FARP2: variants seen among roughly 807,000 people sequenced by gnomAD.
FARP2 encodes FERM, ARHGEF and pleckstrin domain-containing protein 2.
FARP2 carries 111 observed loss-of-function variants against 130.5 expected under a neutral mutation model. The observed-to-expected ratio is 0.85, with a 90% CI of 0.73 to 1.00. The LOEUF (loss-of-function observed/expected upper bound fraction) is 1.00. Ranked by LOEUF, FARP2 falls within the 50% of genes least tolerant of loss-of-function variation. The probability of loss-of-function intolerance (pLI) is 0.00; values close to 1 mark genes in which losing one functional copy is unlikely to be tolerated. For missense variants in FARP2, 1,385 were observed against 1,346.3 expected (o/e 1.03, Z -0.45); for synonymous variants, 504 against 516.9 (o/e 0.98, Z 0.34).
At chr2:241,393,359 T>C (rs1488525921) in intron 2 of FARP2, among the ~76,000 whole-genome samples, 1 of 152,066 alleles carries the variant, frequency 6.6e-6, no homozygotes, top group Non-Finnish European at 1.5e-5. Flanking sequence ...AGAAGTTTGG[T>C]GTACAGTATT....
chr2:241,404,719 C>A, intron 3 of FARP2, 80 bp from the exon 4 acceptor site: 2 of 1,073,746 alleles, frequency 1.9e-6, no homozygotes, highest in Non-Finnish European at 2.8e-6. Flanking sequence ...CTTATTATAA[C>A]CATTTTTGTT....
intron 14 of FARP2, among the ~76,000 whole-genome samples, chr2:241,457,250 CT>C (rs2063872347): frequency 1.3e-5 from 2 of 152,188 alleles, no homozygotes; most frequent in Admixed American, 6.5e-5. Flanking sequence ...TCCTTCCTTC[CT>C]TCCCACCTTC....
intron 1 of FARP2, among the ~76,000 whole-genome samples, chr2:241,371,313 T>G (rs1418800281): frequency 6.6e-6 from 1 of 152,178 alleles, no homozygotes; most frequent in African/African-American, 2.4e-5. Flanking sequence ...TGAAACCCCA[T>G]CTCTACTAAA....
At chr2:241,367,899 T>A (rs1033360299) in intron 1 of FARP2, among the ~76,000 whole-genome samples, 1 of 151,846 alleles carries the variant, frequency 6.6e-6, no homozygotes, top group African/African-American at 2.4e-5. Context: ...TAGATTTTAT[T>A]TTTTAGAGCA....
At chr2:241,463,790 C>T in intron 16 of FARP2, 109 bp from the exon 17 acceptor site, 1 of 979,240 alleles carries the variant, frequency 1.0e-6, no homozygotes, top group East Asian at 2.6e-5. Context: ...CTCAGAGCTT[C>T]ACCACCTTCC....
chr2:241,430,932 G>A (rs549286976), intron 8 of FARP2, among the ~76,000 whole-genome samples: 8 of 151,922 alleles, frequency 5.3e-5, no homozygotes, highest in South Asian at 2.1e-4. Flanking sequence ...CCCAGGAGGC[G>A]GAGGTTACAG....
chr2:241,471,256 G>A (rs577220802), intron 18 of FARP2: 1 of 152,186 alleles, frequency 6.6e-6, no homozygotes, highest in South Asian at 2.1e-4. Context: ...CCGTTCTGAG[G>A]GGACCCTGTT....
intron 1 of FARP2, among the ~76,000 whole-genome samples, chr2:241,358,540 T>G (rs1158688464): frequency 6.6e-6 from 1 of 152,240 alleles, no homozygotes; most frequent in Non-Finnish European, 1.5e-5. Context: ...TCTTCTATAT[T>G]CGGACAGTAA....
At chr2:241,479,655 C>T (rs930308923) in intron 19 of FARP2, among the ~76,000 whole-genome samples, 9 of 152,234 alleles carry the variant, frequency 5.9e-5, no homozygotes, top group African/African-American at 2.2e-4. Context: ...ATAGACTCCC[C>T]AGTGCTTATA....
chr2:241,465,414 G>A (rs918974047), intron 17 of FARP2: 20 of 1,477,734 alleles, frequency 1.4e-5, no homozygotes, highest in Non-Finnish European at 1.9e-5. Flanking sequence ...AGGGCCCTGG[G>A]ACTTGTTTCC....
intron 8 of FARP2, among the ~76,000 whole-genome samples, chr2:241,423,525 C>T (rs899694762): frequency 1.3e-5 from 2 of 152,208 alleles, no homozygotes; most frequent in Non-Finnish European, 2.9e-5. Flanking sequence ...ATACATAGAC[C>T]AGTGACACTA....
intron 1 of FARP2, among the ~76,000 whole-genome samples, chr2:241,359,663 C>T (rs906111819): frequency 6.6e-6 from 1 of 152,220 alleles, no homozygotes; most frequent in Non-Finnish European, 1.5e-5. Flanking sequence ...TTTCTGCTCT[C>T]TCTGTGACTG....
intron 1 of FARP2, among the ~76,000 whole-genome samples, chr2:241,359,768 C>T (rs966433268): frequency 1.3e-5 from 2 of 152,196 alleles, no homozygotes; most frequent in South Asian, 4.1e-4. Flanking sequence ...CATGCAATCA[C>T]GATGGGGTTG....
intron 2 of FARP2, chr2:241,386,844 GT>G (rs1232106473): frequency 1.9e-4 from 29 of 152,238 alleles, no homozygotes; most frequent in Non-Finnish European, 4.1e-4. Flanking sequence ...TTCTTTAACT[GT>G]TTGGGATATG....
At chr2:241,418,164 C>G in intron 8 of FARP2, 55 bp downstream of exon 8, 1 of 1,590,474 alleles carries the variant, frequency 6.3e-7, no homozygotes, top group Non-Finnish European at 8.6e-7. Flanking sequence ...TTTTCTGCAA[C>G]CTGGTGGGGT....
intron 3 of FARP2, 45 bp downstream of exon 3, chr2:241,403,977 TGTGATGACAGCC>T: frequency 1.9e-6 from 2 of 1,036,240 alleles, no homozygotes; most frequent in East Asian, 4.8e-5. Flanking sequence ...TTGGGCCTGC[TGTGATGACAGCC>T]GCAAGATCTT....
chr2:241,488,196 A>C (rs746984172), intron 21 of FARP2: 1 of 152,172 alleles, frequency 6.6e-6, no homozygotes, highest in Non-Finnish European at 1.5e-5. Flanking sequence ...GGGCACTTGA[A>C]GTTCCGTTTC....
intron 2 of FARP2, among the ~76,000 whole-genome samples, chr2:241,377,653 CT>C (rs1285302336): frequency 7.2e-5 from 11 of 152,232 alleles, no homozygotes; most frequent in Non-Finnish European, 1.3e-4. Flanking sequence ...ATCTGGTGTA[CT>C]TTAACTCATC....
chr2:241,416,086 A>G (rs1010334732), intron 7 of FARP2, among the ~76,000 whole-genome samples: 1 of 149,154 alleles, frequency 6.7e-6, no homozygotes, highest in Admixed American at 6.8e-5. Flanking sequence ...GTGTGCATGT[A>G]TATGTGTTCC....
Sources: allele counts gnomAD v4.1 joint callset (sites outside exome capture counted in the v4.1 genomes callset), GRCh38; gene constraint gnomAD v4.1.1; transcripts MANE v1.5; gene names NCBI Gene and HGNC (gene_info 2026-07-23, HGNC 2026-07-21).